SHLD1: variants seen among roughly 807,000 people sequenced by gnomAD.
SHLD1 encodes the protein RINN1-REV7-interacting novel NHEJ regulator 3.
SHLD1 carries 3 observed loss-of-function variants against 5.5 expected under a neutral mutation model. That is an observed-to-expected ratio of 0.54 (90% CI 0.25 to 1.40). The LOEUF is 1.40. SHLD1 is among the 40% of genes most tolerant of loss of function. The pLI is 0.15. For missense variants in SHLD1, 210 were observed against 244.4 expected (o/e 0.86, Z 0.94); for synonymous variants, 92 against 94.3 (o/e 0.98, Z 0.14).
At chr20:5,813,172 G>C (rs1020444702) in intron 2 of SHLD1, among the ~76,000 whole-genome samples, 1 of 151,802 alleles carries the variant, frequency 6.6e-6, no homozygotes, top group Non-Finnish European at 1.5e-5. Context: ...CACCATGCCT[G>C]GTCTTTAAAG....
chr20:5,781,155 T>G (rs1381550247), intron 2 of SHLD1, among the ~76,000 whole-genome samples: 2 of 152,138 alleles, frequency 1.3e-5, no homozygotes, highest in Non-Finnish European at 2.9e-5. Flanking sequence ...AAACAACTTT[T>G]CACTTAAAGC....
At chr20:5,784,736 C>T (rs979695075) in intron 2 of SHLD1, among the ~76,000 whole-genome samples, 1 of 152,224 alleles carries the variant, frequency 6.6e-6, no homozygotes, top group South Asian at 2.1e-4. Flanking sequence ...AGGCGTGAGC[C>T]ACCGCGCCCG....
intron 2 of SHLD1, among the ~76,000 whole-genome samples, chr20:5,798,259 A>G (rs505528): frequency 0.85 from 129,490 of 152,100 alleles, 55,362 homozygotes; most frequent in East Asian, 1. Context: ...GAGAGGGGAA[A>G]TCGCAAGAGT....
intron 2 of SHLD1, among the ~76,000 whole-genome samples, chr20:5,811,871 T>A (rs1175604243): frequency 6.8e-6 from 1 of 146,072 alleles, no homozygotes; most frequent in Non-Finnish European, 1.5e-5. Flanking sequence ...AAAAAAAAAA[T>A]GAATTTGAAC....
At chr20:5,789,316 C>T (rs2087105954) in intron 2 of SHLD1, among the ~76,000 whole-genome samples, 1 of 151,096 alleles carries the variant, frequency 6.6e-6, no homozygotes. Flanking sequence ...GTGGCTCACA[C>T]CTGTAATCCC....
At chr20:5,766,724 A>C (rs1984850108) in intron 1 of SHLD1, among the ~76,000 whole-genome samples, 1 of 152,148 alleles carries the variant, frequency 6.6e-6, no homozygotes, top group Non-Finnish European at 1.5e-5. Flanking sequence ...TCTTATGATT[A>C]CACTGCTCAT....
chr20:5,858,361 C>A (rs2122509261), intron 2 of SHLD1, among the ~76,000 whole-genome samples: 1 of 152,140 alleles, frequency 6.6e-6, no homozygotes, highest in East Asian at 1.9e-4. Context: ...ACAGAAATAG[C>A]CATGGAAAGT....
intron 2 of SHLD1, among the ~76,000 whole-genome samples, chr20:5,850,916 A>G (rs544838386): frequency 6.6e-6 from 1 of 152,244 alleles, no homozygotes; most frequent in Non-Finnish European, 1.5e-5. Context: ...GATGCTCCAT[A>G]ATTATTGAGT....
intron 2 of SHLD1, among the ~76,000 whole-genome samples, chr20:5,860,393 T>G (rs1210427223): frequency 6.6e-6 from 1 of 152,144 alleles, no homozygotes; most frequent in Non-Finnish European, 1.5e-5. Context: ...ATGAATTATT[T>G]GAGATTTGCT....
chr20:5,792,096 A>G (rs2087149416), intron 2 of SHLD1, among the ~76,000 whole-genome samples: 1 of 152,164 alleles, frequency 6.6e-6, no homozygotes, highest in Non-Finnish European at 1.5e-5. Context: ...TATGTATTCT[A>G]GATACTAACT....
At chr20:5,845,816 G>A (rs575266454) in intron 2 of SHLD1, among the ~76,000 whole-genome samples, 3 of 152,178 alleles carry the variant, frequency 2.0e-5, no homozygotes, top group Non-Finnish European at 4.4e-5. Context: ...GAAGCTTCCA[G>A]AGGGAGTGAA....
At chr20:5,774,330 T>C (rs929051950) in intron 2 of SHLD1, among the ~76,000 whole-genome samples, 4 of 152,192 alleles carry the variant, frequency 2.6e-5, no homozygotes, top group African/African-American at 9.7e-5. Context: ...TGACTACAGG[T>C]AGGATGTGTA....
intron 2 of SHLD1, among the ~76,000 whole-genome samples, chr20:5,803,070 C>T (rs879433988): frequency 9.2e-5 from 14 of 152,166 alleles, no homozygotes; most frequent in Admixed American, 8.5e-4. Flanking sequence ...ATAAGCAACT[C>T]AAGAGGGGCC....
intron 2 of SHLD1, among the ~76,000 whole-genome samples, chr20:5,846,693 C>G (rs2087936632): frequency 6.6e-6 from 1 of 152,206 alleles, no homozygotes; most frequent in African/African-American, 2.4e-5. Context: ...GACAGCTTTG[C>G]CTCCTGAGAG....
At chr20:5,819,193 C>T (rs769862098) in intron 2 of SHLD1, among the ~76,000 whole-genome samples, 2 of 152,060 alleles carry the variant, frequency 1.3e-5, no homozygotes, top group Non-Finnish European at 2.9e-5. Flanking sequence ...TCCCACTCCT[C>T]GGTCTGAGCA....
At chr20:5,817,432 C>CTCTGTGTGTGTG (rs1473391202) in intron 2 of SHLD1, among the ~76,000 whole-genome samples, 8 of 85,664 alleles carry the variant, frequency 9.3e-5, no homozygotes, top group African/African-American at 3.9e-4. Context: ...CTCTCTCTCT[C>CTCTGTGTGTGTG]TGTGTGTGTG....
Position 5,798,614 on chromosome 20 carries a change from T to A in SHLD1, c.178+25571T>A, listed in dbSNP as rs2087245753. On this transcript the variant is annotated intron_variant, in intron 2 of 2. Transcript: ENST00000303142. ...ACTGCGCCTGGCCTAACATTTTAGTTTTCTTTTTTTTTTTTTTTTTTGAGA... is the reference window on the plus strand; with the variant it reads ...ACTGCGCCTGGCCTAACATTTTAGTATTCTTTTTTTTTTTTTTTTTTGAGA... Among the ~76,000 whole-genome samples, 3 of 82,776 alleles carry A rather than the reference T, an allele frequency of 3.6e-5. No individual in the cohort carries two copies. In the South Asian group the frequency reaches 1.4e-3, roughly 40 times the overall value. 54.3% of individuals were successfully genotyped at this position (82,776 alleles called of 152,430 possible). A position where few individuals can be genotyped will look rare whatever the true frequency, so the allele number is the denominator to read the frequency against.
intron 2 of SHLD1, among the ~76,000 whole-genome samples, chr20:5,834,138 G>A (rs574224228): frequency 5.9e-5 from 9 of 152,278 alleles, no homozygotes; most frequent in African/African-American, 1.7e-4. Context: ...AAAGCAGATC[G>A]GGAGCTACCA....
At chr20:5,801,683 A>G (rs2087296266) in intron 2 of SHLD1, among the ~76,000 whole-genome samples, 1 of 152,190 alleles carries the variant, frequency 6.6e-6, no homozygotes, top group Non-Finnish European at 1.5e-5. Flanking sequence ...CCTCTGGAAG[A>G]TGGGAGTGGC....
Sources: allele counts gnomAD v4.1 joint callset (sites outside exome capture counted in the v4.1 genomes callset), GRCh38; gene constraint gnomAD v4.1.1; transcripts MANE v1.5; gene names NCBI Gene and HGNC (gene_info 2026-07-23, HGNC 2026-07-21).